Variants in CFAP54 observed in about 807,000 individuals in gnomAD.
The protein encoded by CFAP54 is cilia- and flagella-associated protein 54.
Under a neutral mutation model 370.4 loss-of-function variants are expected in CFAP54, and 290 were observed. That is an observed-to-expected ratio of 0.78 (90% CI 0.71 to 0.86). The LOEUF (loss-of-function observed/expected upper bound fraction) is 0.86, where lower values mean the gene tolerates loss of function less well. Among genes scored for constraint, CFAP54 ranks in the 40% least tolerant of loss-of-function variants. CFAP54 has a pLI of 0.00. For synonymous variants in CFAP54, 1,206 were observed against 1,236.5 expected (o/e 0.98, Z 0.52); for missense variants, 3,399 against 3,528.7 (o/e 0.96, Z 0.93).
chr12:96,668,410 A>G (rs1565935950), intron 39 of CFAP54, among the ~76,000 whole-genome samples: 1 of 152,208 alleles, frequency 6.6e-6, no homozygotes, highest in Non-Finnish European at 1.5e-5. Flanking sequence ...AGGCCTCACA[A>G]TCATGGTGGA....
In CFAP54 at chr12:96,786,797, C is replaced by T; in HGVS notation, c.8578C>T (p.Leu2860=). The T allele has an allele frequency of 7.8e-6, 12 of 1,535,562 alleles. No individual in the cohort carries two copies. The highest frequency in any genetic ancestry group is 1.0e-5 in the Non-Finnish European group (12 of 1,146,436). Residue 2860 remains leucine (L), a synonymous_variant, in exon 62 of 68, where the codon CTG becomes TTG. Transcript: ENST00000524981. The part of the protein sequence containing the change: ...VHFFLKKFLQ[L]YSSSCIDEFP... Reference sequence around the variant, plus strand: ...TTTTTTCCTTAAAAAATTCTTACAGCTGTATTCTTCTTCTTGTATTGATGA... The same window carrying T: ...TTTTTTCCTTAAAAAATTCTTACAGTTGTATTCTTCTTCTTGTATTGATGA...
At chr12:96,510,346 ACT>A (rs1160268812) in intron 4 of CFAP54, among the ~76,000 whole-genome samples, 1 of 151,764 alleles carries the variant, frequency 6.6e-6, no homozygotes, top group East Asian at 1.9e-4. Context: ...GATACCATTT[ACT>A]CTCTGAGTCT....
intron 55 of CFAP54, among the ~76,000 whole-genome samples, chr12:96,749,560 T>C (rs1958159955): frequency 6.6e-6 from 1 of 152,216 alleles, no homozygotes; most frequent in Non-Finnish European, 1.5e-5. Flanking sequence ...TATCAAGTCT[T>C]GATCTGTCTT....
At chr12:96,751,804 T>C (rs1173457875) in intron 55 of CFAP54, among the ~76,000 whole-genome samples, 1 of 152,082 alleles carries the variant, frequency 6.6e-6, no homozygotes, top group Non-Finnish European at 1.5e-5. Context: ...TCCTATAAAA[T>C]GTGGGTGAGT....
Position 96,860,807 on chromosome 12 carries a change from GT to G in CFAP54, c.9172-7del. 2 of 1,519,476 alleles carry G rather than the reference GT, an allele frequency of 1.3e-6. No homozygotes were observed. Among genetic ancestry groups the G allele is most frequent in the South Asian group, 1.3e-5 (1 of 79,982 alleles). The allele number at this position is 1,519,476 out of a possible 1,614,324, so 94.1% of individuals were successfully genotyped here. ...CAATGCATTTCATGAACACTTTTAT[GT>G]TTTTCCTCAGGTCCCATTTGATATC... On this transcript the variant is annotated splice_polypyrimidine_tract_variant and intron_variant, in intron 66 of 67. Coordinates refer to ENST00000524981, the MANE Select transcript of CFAP54 (RefSeq NM_001306084.2).
At chr12:96,672,050 C>T (rs185552426) in intron 39 of CFAP54, among the ~76,000 whole-genome samples, 169 of 152,100 alleles carry the variant, frequency 1.1e-3, no homozygotes, top group African/African-American at 3.7e-3. Flanking sequence ...TTAGCACCGT[C>T]AGGAACTGGC....
intron 17 of CFAP54, among the ~76,000 whole-genome samples, chr12:96,560,378 A>G (rs929875440): frequency 5.9e-5 from 9 of 152,152 alleles, no homozygotes; most frequent in African/African-American, 2.2e-4. Context: ...AACATGCTCT[A>G]TTATGCATCT....
Position 96,512,968 on chromosome 12 carries a change from A to G in CFAP54, c.740-18A>G. ...CATTTGACTGTAAAACATGTTAACA[A>G]TCGTTTTCTCCATCCAGGTACCATT... On this transcript the variant is annotated intron_variant, in intron 4 of 67. Transcript: ENST00000524981. 1 of 1,476,096 alleles carries G rather than the reference A, an allele frequency of 6.8e-7. No homozygotes were observed. The highest frequency in any genetic ancestry group is 9.0e-7 in the Non-Finnish European group (1 of 1,107,054). 91.4% of individuals were successfully genotyped at this position (1,476,096 alleles called of 1,614,324 possible). A position where few individuals can be genotyped will look rare whatever the true frequency, so the allele number is the denominator to read the frequency against.
intron 66 of CFAP54, among the ~76,000 whole-genome samples, chr12:96,834,714 C>G (rs771330789): frequency 4.6e-5 from 7 of 152,192 alleles, no homozygotes; most frequent in African/African-American, 7.2e-5. Flanking sequence ...CCCAGAAGGG[C>G]CACAGCTCTT....
intron 2 of CFAP54, chr12:96,501,156 A>T (rs960464520): frequency 2.6e-6 from 1 of 391,134 alleles, no homozygotes; most frequent in African/African-American, 2.1e-5. Context: ...ATTCCTGAAC[A>T]GCCAGGCAGC....
intron 62 of CFAP54, among the ~76,000 whole-genome samples, chr12:96,788,597 T>C (rs1958651909): frequency 6.6e-6 from 1 of 152,216 alleles, no homozygotes; most frequent in South Asian, 2.1e-4. Context: ...TCCAGAATGG[T>C]GACCCTTGCT....
intron 46 of CFAP54, among the ~76,000 whole-genome samples, chr12:96,703,342 A>T (rs1957512497): frequency 6.6e-6 from 1 of 152,148 alleles, no homozygotes; most frequent in Non-Finnish European, 1.5e-5. Context: ...CTTCTTTGGT[A>T]AGGTTTATTC....
At chr12:96,675,340 C>T (rs1185614233) in intron 39 of CFAP54, among the ~76,000 whole-genome samples, 2 of 152,180 alleles carry the variant, frequency 1.3e-5, no homozygotes. Context: ...TGAAAAAATG[C>T]TCATCATCAC....
At chr12:96,866,037 A>G (rs1959998094) in intron 67 of CFAP54, among the ~76,000 whole-genome samples, 1 of 152,118 alleles carries the variant, frequency 6.6e-6, no homozygotes, top group Non-Finnish European at 1.5e-5. Context: ...TTGATTTTCC[A>G]AAATTAGATA....
At chr12:96,555,072 C>A (rs1399404694) in intron 17 of CFAP54, 2 of 223,054 alleles carry the variant, frequency 9.0e-6, no homozygotes, top group African/African-American at 4.6e-5. Context: ...TTAATTCAAC[C>A]AAGCAAACAT....
chr12:96,609,978 T>TC (rs1956338298), intron 26 of CFAP54, among the ~76,000 whole-genome samples: 1 of 152,224 alleles, frequency 6.6e-6, no homozygotes, highest in Non-Finnish European at 1.5e-5. Context: ...ATATTTAAAT[T>TC]TAATACAGTT....
At chr12:96,655,497 T>G (rs556941588) in intron 36 of CFAP54, among the ~76,000 whole-genome samples, 1 of 152,256 alleles carries the variant, frequency 6.6e-6, no homozygotes, top group Admixed American at 6.5e-5. Context: ...AAGAGCACCT[T>G]ATGGAGTACA....
intron 9 of CFAP54, among the ~76,000 whole-genome samples, chr12:96,527,915 T>C (rs1167642917): frequency 6.6e-6 from 1 of 152,242 alleles, no homozygotes; most frequent in Admixed American, 6.5e-5. Flanking sequence ...CTAAGGTCAA[T>C]TGATATTTCA....
intron 60 of CFAP54, among the ~76,000 whole-genome samples, chr12:96,767,093 T>C (rs997905158): frequency 1.3e-5 from 2 of 152,214 alleles, no homozygotes; most frequent in Admixed American, 6.5e-5. Context: ...TCCCATCCCA[T>C]TGGCCACAGC....
Sources: gnomAD v4.1 joint callset for allele counts (sites outside exome capture counted in the v4.1 genomes callset) on GRCh38, gnomAD v4.1.1 for gene constraint, MANE v1.5 for transcripts, NCBI Gene and HGNC (gene_info 2026-07-23, HGNC 2026-07-21) for gene names.